The following CACNB2 variants were observed in gnomAD, a reference collection of about 807,000 sequenced individuals.
CACNB2 encodes calcium voltage-gated channel auxiliary subunit beta 2.
Under a neutral mutation model 73.3 loss-of-function variants are expected in CACNB2, and 42 were observed. The observed-to-expected ratio is 0.57, with a 90% CI of 0.45 to 0.74. The LOEUF is 0.74. Ranked by LOEUF, CACNB2 falls within the 30% of genes least tolerant of loss-of-function variation. The pLI is 0.00. For synonymous variants in CACNB2, 348 were observed against 310.3 expected, an observed-to-expected ratio of 1.12 and a Z score of -1.28; for missense variants, 940 against 853.0, an observed-to-expected ratio of 1.10 and a Z score of -1.27.
intron 2 of CACNB2, among the ~76,000 whole-genome samples, chr10:18,399,488 C>G (rs895850756): frequency 6.6e-6 from 1 of 152,024 alleles, no homozygotes. Context: ...GTATTTGGGT[C>G]TTGAAGATTA....
intron 3 of CACNB2, among the ~76,000 whole-genome samples, chr10:18,412,342 T>C (rs1161298892): frequency 3.9e-5 from 6 of 152,194 alleles, no homozygotes; most frequent in Non-Finnish European, 8.8e-5. Flanking sequence ...TTTTTCTTCC[T>C]TACCCCTTTG....
At chr10:18,234,186 T>C (rs1263443459) in intron 2 of CACNB2, 1 of 152,360 alleles carries the variant, frequency 6.6e-6, no homozygotes, top group Non-Finnish European at 1.5e-5. Flanking sequence ...TCGGGGAACA[T>C]GGCTGGGGTC....
intron 2 of CACNB2, among the ~76,000 whole-genome samples, chr10:18,277,773 T>A (rs577082267): frequency 8.5e-5 from 13 of 152,328 alleles, no homozygotes; most frequent in African/African-American, 3.1e-4. Context: ...AATCAAATAA[T>A]CTTTTCCCTC....
At chr10:18,397,492 A>T (rs2043773119) in intron 2 of CACNB2, among the ~76,000 whole-genome samples, 1 of 151,918 alleles carries the variant, frequency 6.6e-6, no homozygotes, top group African/African-American at 2.4e-5. Context: ...AGAAAGGGTG[A>T]CGCTTTCTTG....
intron 2 of CACNB2, among the ~76,000 whole-genome samples, chr10:18,295,668 G>T (rs1297649027): frequency 6.6e-6 from 1 of 152,166 alleles, no homozygotes; most frequent in African/African-American, 2.4e-5. Flanking sequence ...GAGTGACTTA[G>T]GTTCACATAA....
In CACNB2 at chr10:18,150,880, T is replaced by TTTTTTTTTTTTTTTTTG. The variant is rs2031492352; in HGVS notation, c.121-3_121-2insTTTTTTTTTTTTTTTTG. On this transcript the variant is annotated splice_polypyrimidine_tract_variant and splice_region_variant and intron_variant, in intron 1 of 13. Coordinates refer to ENST00000324631, the MANE Select transcript of CACNB2 (RefSeq NM_201596.3). The stretch of plus-strand genomic sequence containing the variant: ...CTTTTTTTTTTTTTTTTTTTTTTTT[T>TTTTTTTTTTTTTTTTTG]AGTCATATGGAAAAGGAGCCAGAAG... 6 of 1,300,424 alleles carry TTTTTTTTTTTTTTTTTG rather than the reference T, an allele frequency of 4.6e-6. No individual in the cohort carries two copies. The highest frequency in any genetic ancestry group is 5.3e-6 in the Non-Finnish European group (5 of 943,376). 80.6% of individuals were successfully genotyped at this position (1,300,424 alleles called of 1,614,324 possible).
intron 2 of CACNB2, among the ~76,000 whole-genome samples, chr10:18,365,908 T>C (rs2042326005): frequency 6.6e-6 from 1 of 152,224 alleles, no homozygotes; most frequent in Non-Finnish European, 1.5e-5. Flanking sequence ...TGTAAGAATC[T>C]GTCAATTTGG....
rs983502243 is a variant in CACNB2, at chr10:18,148,268, A to G, written c.121-2615A>G. ...GAATACTTTAAATAAATCATCCCTT[A>G]TACACTTAAGTAATTGAAGAACAAT... On this transcript the variant is annotated intron_variant, in intron 1 of 13. Coordinates refer to ENST00000324631, the MANE Select transcript of CACNB2 (RefSeq NM_201596.3). 7.9e-5 allele frequency among the ~76,000 whole-genome samples: 12 copies of G among 152,328 alleles called. No individual in the cohort carries two copies. In the East Asian group the frequency reaches 2.1e-3, roughly 27 times the overall value.
chr10:18,510,064 C>T (rs1413532597), intron 6 of CACNB2, among the ~76,000 whole-genome samples: 2 of 152,142 alleles, frequency 1.3e-5, no homozygotes, highest in Non-Finnish European at 2.9e-5. Flanking sequence ...TGGTAAGTTT[C>T]TTTAATATGT....
intron 2 of CACNB2, among the ~76,000 whole-genome samples, chr10:18,274,149 A>G (rs1269186517): frequency 6.6e-6 from 1 of 152,200 alleles, no homozygotes; most frequent in Non-Finnish European, 1.5e-5. Context: ...CCTGTTGGCA[A>G]CTTCCCTTAT....
At chr10:18,185,051 C>G (rs1429140172) in intron 2 of CACNB2, among the ~76,000 whole-genome samples, 1 of 152,114 alleles carries the variant, frequency 6.6e-6, no homozygotes, top group Non-Finnish European at 1.5e-5. Flanking sequence ...GTTTCCCAAG[C>G]TGGTCTCAAA....
intron 2 of CACNB2, among the ~76,000 whole-genome samples, chr10:18,191,332 C>G (rs2034384472): frequency 6.6e-6 from 1 of 152,230 alleles, no homozygotes; most frequent in African/African-American, 2.4e-5. Context: ...TAGAACTTGA[C>G]ACCAGCTGCC....
Position 18,150,989 on chromosome 10 carries a change from G to A in CACNB2, c.213+14G>A. 1 of 1,513,434 alleles carries A rather than the reference G, an allele frequency of 6.6e-7. No homozygotes were observed. Among genetic ancestry groups the A allele is most frequent in the Non-Finnish European group, 9.1e-7 (1 of 1,094,692 alleles). 93.8% of individuals were successfully genotyped at this position (1,513,434 alleles called of 1,614,324 possible). A position where few individuals can be genotyped will look rare whatever the true frequency, so the allele number is the denominator to read the frequency against. On this transcript the variant is annotated intron_variant, in intron 2 of 13. Transcript: ENST00000324631. ...TTTGTTCGCCAGGTAAGAGTTTTAAGTTCATGGTTTTGATAAGTACCTTAA... is the reference window on the plus strand; with the variant it reads ...TTTGTTCGCCAGGTAAGAGTTTTAAATTCATGGTTTTGATAAGTACCTTAA...
chr10:18,472,505 G>C (rs891152679), intron 3 of CACNB2, among the ~76,000 whole-genome samples: 2 of 152,104 alleles, frequency 1.3e-5, no homozygotes, highest in African/African-American at 2.4e-5. Flanking sequence ...CCAAAGTGCT[G>C]GGATTACAGG....
Position 18,202,071 on chromosome 10 carries a change from A to G in CACNB2, c.213+51096A>G, listed in dbSNP as rs148280919. 2.5e-3 allele frequency among the ~76,000 whole-genome samples: 380 copies of G among 152,330 alleles called. 1 individual carries two copies. The highest frequency in any genetic ancestry group is 8.5e-3 in the African/African-American group (353 of 41,566). ...ACCAACATTTTACCAGCTCTGTGTTAATAGACAGTTCCCTATTTTGGTGGT... is the reference window on the plus strand; with the variant it reads ...ACCAACATTTTACCAGCTCTGTGTTGATAGACAGTTCCCTATTTTGGTGGT... On this transcript the variant is annotated intron_variant, in intron 2 of 13. Coordinates refer to ENST00000324631, the MANE Select transcript of CACNB2 (RefSeq NM_201596.3).
intron 2 of CACNB2, among the ~76,000 whole-genome samples, chr10:18,220,666 G>A (rs980044290): frequency 8.5e-5 from 13 of 152,118 alleles, no homozygotes; most frequent in Non-Finnish European, 1.6e-4. Context: ...CCAGCAGTAG[G>A]TGAGCGCCTG....
chr10:18,357,586 C>T (rs1413072245), intron 2 of CACNB2, among the ~76,000 whole-genome samples: 1 of 152,168 alleles, frequency 6.6e-6, no homozygotes, highest in East Asian at 1.9e-4. Context: ...TTGATTGTCA[C>T]AGTACTTTCA....
intron 3 of CACNB2, among the ~76,000 whole-genome samples, chr10:18,462,494 A>T (rs547633338): frequency 6.6e-6 from 1 of 152,174 alleles, no homozygotes; most frequent in African/African-American, 2.4e-5. Context: ...GGCTCAAGCT[A>T]TCCTTCCACC....
intron 2 of CACNB2, among the ~76,000 whole-genome samples, chr10:18,315,847 TACA>T (rs2040162928): frequency 1.3e-5 from 2 of 152,222 alleles, no homozygotes; most frequent in Admixed American, 6.5e-5. Flanking sequence ...AACTTCAAGC[TACA>T]ACATCGCCTC....
Sources: allele counts gnomAD v4.1 joint callset (sites outside exome capture counted in the v4.1 genomes callset), GRCh38; gene constraint gnomAD v4.1.1; transcripts MANE v1.5; gene names NCBI Gene and HGNC (gene_info 2026-07-23, HGNC 2026-07-21).